ATP9B: variants seen among roughly 807,000 people sequenced by gnomAD.
ATP9B encodes the protein ATPase phospholipid transporting 9B.
A neutral mutation model predicts 146.1 loss-of-function variants in ATP9B; 110 were observed. The ratio of observed to expected loss-of-function variants is 0.75; its 90% confidence interval spans 0.65 to 0.88. ATP9B has a LOEUF of 0.88. Ranked by LOEUF, ATP9B falls within the 40% of genes least tolerant of loss-of-function variation. The pLI, the probability that ATP9B is intolerant of heterozygous loss-of-function variation, is 0.00. For missense variants in ATP9B, 1,499 were observed against 1,496.4 expected, an observed-to-expected ratio of 1.00 and a Z score of -0.03; for synonymous variants, 604 against 569.7, an observed-to-expected ratio of 1.06 and a Z score of -0.86.
intron 2 of ATP9B, among the ~76,000 whole-genome samples, chr18:79,108,205 G>A (rs998231215): frequency 3.0e-4 from 45 of 152,168 alleles, no homozygotes; most frequent in African/African-American, 1.0e-3. Flanking sequence ...CTGGAGGGAA[G>A]GAGGCATGTG....
chr18:79,185,213 G>C (rs1040997313), intron 8 of ATP9B, among the ~76,000 whole-genome samples: 1 of 152,068 alleles, frequency 6.6e-6, no homozygotes, highest in Non-Finnish European at 1.5e-5. Context: ...CACTTTAAAC[G>C]TGCAGTTATT....
intron 11 of ATP9B, among the ~76,000 whole-genome samples, chr18:79,225,759 C>T (rs1363506678): frequency 7.5e-6 from 1 of 132,980 alleles, no homozygotes. Flanking sequence ...AGTCGCAGGG[C>T]GGCCACTGTC....
rs1225362957 is a variant in ATP9B at position 79,345,492 on chromosome 18, G to C, written c.2537G>C (p.Cys846Ser). The C allele has an allele frequency of 4.3e-6, 7 of 1,613,426 alleles. No individual in the cohort carries two copies. Among genetic ancestry groups the C allele is most frequent in the Non-Finnish European group, 5.1e-6 (6 of 1,180,056 alleles). The change falls in exon 22 of 30, where the codon TGC (cysteine) becomes TCC (serine). Residue 846 changes from cysteine (C) to serine (S), a missense_variant. Cys to Ser is a moderately radical substitution (Grantham distance 112). Coordinates refer to ENST00000426216, the MANE Select transcript of ATP9B (RefSeq NM_198531.5). ...GCCTGCCAGTGCCCTGCCGTGGTTTGCTGCCGCTGCTCACCCACCCAGAAG... is the reference window on the plus strand; with the variant it reads ...GCCTGCCAGTGCCCTGCCGTGGTTTCCTGCCGCTGCTCACCCACCCAGAAG... ...ELACQCPAVV[C>S]CRCSPTQKAR...
intron 5 of ATP9B, among the ~76,000 whole-genome samples, chr18:79,131,400 G>A (rs907925537): frequency 1.4e-4 from 22 of 152,194 alleles, no homozygotes; most frequent in Non-Finnish European, 3.1e-4. Context: ...AAAATATACA[G>A]ATGGCCAACA....
chr18:79,305,690 A>G (rs2096616879), intron 14 of ATP9B, among the ~76,000 whole-genome samples: 1 of 152,264 alleles, frequency 6.6e-6, no homozygotes, highest in South Asian at 2.1e-4. Flanking sequence ...AAGCATCATT[A>G]TATAAACACA....
Position 79,377,450 on chromosome 18 carries a change from C to G in ATP9B, c.*67C>G. On this transcript the variant is annotated 3_prime_UTR_variant, in exon 30 of 30. Coordinates refer to ENST00000426216, the MANE Select transcript of ATP9B (RefSeq NM_198531.5). ...CCCTTCCCAGCACCTTGTGCCCTTG[C>G]CAGTGAACGCAGGGTTTGCCATTGC... 1 of 1,562,472 alleles carries G rather than the reference C, an allele frequency of 6.4e-7. No homozygotes were observed. Among genetic ancestry groups the G allele is most frequent in the Non-Finnish European group, 8.7e-7 (1 of 1,154,258 alleles).
At chr18:79,294,574 G>A (rs1191088116) in intron 13 of ATP9B, among the ~76,000 whole-genome samples, 1 of 152,244 alleles carries the variant, frequency 6.6e-6, no homozygotes, top group Non-Finnish European at 1.5e-5. Flanking sequence ...GGAGGAGAAA[G>A]CTGTAGAGTA....
At chr18:79,332,423 C>T (rs773432607) in intron 17 of ATP9B, among the ~76,000 whole-genome samples, 5 of 151,984 alleles carry the variant, frequency 3.3e-5, no homozygotes, top group Non-Finnish European at 7.4e-5. Flanking sequence ...AGCGAGACTC[C>T]GTCTCAAAAA....
intron 9 of ATP9B, among the ~76,000 whole-genome samples, chr18:79,202,964 T>A (rs1173481078): frequency 1.3e-5 from 2 of 152,218 alleles, no homozygotes; most frequent in East Asian, 3.8e-4. Flanking sequence ...GACTTTGACA[T>A]TAGGAGAAAA....
At chr18:79,286,585 C>G (rs1408687244) in intron 13 of ATP9B, among the ~76,000 whole-genome samples, 6 of 152,154 alleles carry the variant, frequency 3.9e-5, no homozygotes, top group Admixed American at 3.3e-4. Flanking sequence ...TTGACTTCCT[C>G]TTTCCCTAAT....
At chr18:79,144,565 C>T (rs1042554638) in intron 6 of ATP9B, among the ~76,000 whole-genome samples, 2 of 152,192 alleles carry the variant, frequency 1.3e-5, no homozygotes, top group African/African-American at 4.8e-5. Context: ...AGGCGGAGCT[C>T]AGGAGGTCAT....
chr18:79,099,211 T>C (rs970709873), intron 2 of ATP9B, among the ~76,000 whole-genome samples: 1 of 152,096 alleles, frequency 6.6e-6, no homozygotes, highest in Admixed American at 6.6e-5. Context: ...TTTTTTCTTT[T>C]CTTTTCTTTT....
intron 1 of ATP9B, among the ~76,000 whole-genome samples, chr18:79,070,753 A>G (rs2071639700): frequency 1.3e-5 from 2 of 151,912 alleles, no homozygotes; most frequent in East Asian, 1.9e-4. Context: ...TTCATTGTTA[A>G]TGTTCCTCTG....
chr18:79,291,295 T>A (rs1392611920), intron 13 of ATP9B, among the ~76,000 whole-genome samples: 1 of 152,232 alleles, frequency 6.6e-6, no homozygotes, highest in African/African-American at 2.4e-5. Flanking sequence ...CTGGCTGCAT[T>A]CATTCCTCCC....
chr18:79,148,800 A>G lies in ATP9B; in HGVS notation c.726+4940A>G, dbSNP rs142177908. 2.2e-3 allele frequency among the ~76,000 whole-genome samples: 328 copies of G among 152,340 alleles called. 5 individuals carry two copies. Among genetic ancestry groups the G allele is most frequent in the African/African-American group, 7.4e-3 (309 of 41,578 alleles). On this transcript the variant is annotated intron_variant, in intron 6 of 29. Transcript: ENST00000426216. ...ACTACGTATACATGTACATAAATAC[A>G]TATACATATATGTTGAAAACCCCAA...
chr18:79,125,308 G>A (rs900497546), intron 4 of ATP9B, among the ~76,000 whole-genome samples: 4 of 152,148 alleles, frequency 2.6e-5, no homozygotes, highest in African/African-American at 9.7e-5. Context: ...GACACAGGCT[G>A]TCAGGTTGAT....
rs531686167 is a variant in ATP9B, at chr18:79,364,823, A to G, written c.3012+5361A>G. Among the ~76,000 whole-genome samples, 44 of 152,308 alleles carry G rather than the reference A, an allele frequency of 2.9e-4. No homozygotes were observed. In the South Asian group the frequency reaches 5.2e-3, roughly 18 times the overall value. On this transcript the variant is annotated intron_variant, in intron 26 of 29. Transcript: ENST00000426216. The stretch of plus-strand genomic sequence containing the variant: ...AGGATAACTTGAGCCCAGAAGCTCA[A>G]TACCAGTCTGGGCAATATAGTGAGA...
chr18:79,279,920 C>T (rs1434467461), intron 13 of ATP9B, among the ~76,000 whole-genome samples: 1 of 152,222 alleles, frequency 6.6e-6, no homozygotes, highest in Non-Finnish European at 1.5e-5. Flanking sequence ...ATTTTGGCAT[C>T]ATCAGTCAAG....
chr18:79,337,140 TGGAG>T, intron 18 of ATP9B, 135 bp from the exon 19 acceptor site: 4 of 1,143,464 alleles, frequency 3.5e-6, no homozygotes, highest in Admixed American at 4.5e-5. Context: ...TCCAGCTCTG[TGGAG>T]TACACACACA....
Sources: allele counts gnomAD v4.1 joint callset (sites outside exome capture counted in the v4.1 genomes callset), GRCh38; gene constraint gnomAD v4.1.1; transcripts MANE v1.5; gene names NCBI Gene and HGNC (gene_info 2026-07-23, HGNC 2026-07-21).